Variants in CA5A observed in about 807,000 individuals in gnomAD.
CA5A encodes carbonic anhydrase 5A, also known as carbonic anhydrase 5A, mitochondrial.
A neutral mutation model predicts 37.1 loss-of-function variants in CA5A; 28 were observed. That is an observed-to-expected ratio of 0.75 (90% CI 0.56 to 1.03). The LOEUF (loss-of-function observed/expected upper bound fraction) is 1.03, where lower values mean the gene tolerates loss of function less well. CA5A is among the 50% of genes least tolerant of loss of function. The pLI is 0.00. For missense variants in CA5A, 444 were observed against 399.9 expected, an observed-to-expected ratio of 1.11 and a Z score of -0.94; for synonymous variants, 171 against 158.4, an observed-to-expected ratio of 1.08 and a Z score of -0.60.
At chr16:87,892,020 C>T in intron 5 of CA5A, 66 bp from the exon 6 acceptor site, 9 of 1,424,290 alleles carry the variant, frequency 6.3e-6, no homozygotes, top group Non-Finnish European at 8.4e-6. Flanking sequence ...CATCTTGTCT[C>T]AGCACGTGAG....
chr16:87,888,354 T>G (rs1036555824), intron 6 of CA5A, 82 bp from the exon 7 acceptor site: 20 of 1,246,036 alleles, frequency 1.6e-5, no homozygotes, highest in Middle Eastern at 2.4e-4. Context: ...CCTTATGTGG[T>G]CCCCTCCCAT....
At chr16:87,929,876 A>AAAG (rs2056376450) in intron 1 of CA5A, among the ~76,000 whole-genome samples, 1 of 150,284 alleles carries the variant, frequency 6.7e-6, no homozygotes, top group Non-Finnish European at 1.5e-5. Flanking sequence ...CGTCTCAAAA[A>AAAG]AAAAAAAAAA....
chr16:87,926,994 G>T, intron 1 of CA5A, 49 bp from the exon 2 acceptor site: 1 of 1,296,728 alleles, frequency 7.7e-7, no homozygotes, highest in Non-Finnish European at 1.1e-6. Context: ...GCTTCATCCT[G>T]TGTCTTGGAC....
At chr16:87,894,315 G>A (rs1305018484) in intron 5 of CA5A, among the ~76,000 whole-genome samples, 1 of 151,946 alleles carries the variant, frequency 6.6e-6, no homozygotes, top group Non-Finnish European at 1.5e-5. Flanking sequence ...AGTCCAAAGT[G>A]ACAGAGTCCC....
In CA5A at chr16:87,901,933, G is replaced by A. The variant is rs770692285; in HGVS notation, c.597C>T (p.Ile199=). ...HHQTLQRLVD[I]LPEIKHKDAR... ...TTACCTTATGTTTTATTTCCGGCAA[G>A]ATGTCCACCAGCCTCTGCAGCGTCT... The change falls in exon 5 of 7, where the codon ATC becomes ATT. Residue 199 remains isoleucine (I), a synonymous_variant. Coordinates refer to ENST00000649794, the MANE Select transcript of CA5A (RefSeq NM_001739.2). 3 of 1,613,592 alleles carry A rather than the reference G, an allele frequency of 1.9e-6. No homozygotes were observed. The highest frequency in any genetic ancestry group is 2.5e-6 in the Non-Finnish European group (3 of 1,179,706).
chr16:87,902,040 T>C (rs968055604), intron 4 of CA5A, 66 bp from the exon 5 acceptor site: 10 of 1,377,040 alleles, frequency 7.3e-6, no homozygotes, highest in South Asian at 1.2e-5. Flanking sequence ...CTCACTCCAC[T>C]GTAAATACAC....
At chr16:87,892,804 T>G (rs1428000357) in intron 5 of CA5A, 1 of 261,638 alleles carries the variant, frequency 3.8e-6, no homozygotes. Context: ...CTCCAGCGCC[T>G]GCCACCACGC....
chr16:87,896,753 G>A (rs919518009), intron 5 of CA5A, among the ~76,000 whole-genome samples: 2 of 152,198 alleles, frequency 1.3e-5, no homozygotes, highest in East Asian at 3.9e-4. Flanking sequence ...CGATTCTCCT[G>A]CCTTAGCCTC....
intron 1 of CA5A, among the ~76,000 whole-genome samples, chr16:87,933,178 T>G (rs1217516427): frequency 6.6e-6 from 1 of 152,206 alleles, no homozygotes; most frequent in African/African-American, 2.4e-5. Flanking sequence ...TGCAGCAGTG[T>G]GCTGGTTGAG....
chr16:87,892,022 G>A, intron 5 of CA5A, 68 bp from the exon 6 acceptor site: 1 of 1,373,904 alleles, frequency 7.3e-7, no homozygotes, highest in Non-Finnish European at 9.7e-7. Context: ...TCTTGTCTCA[G>A]CACGTGAGGC....
At chr16:87,925,870 C>T (rs1048649146) in intron 2 of CA5A, among the ~76,000 whole-genome samples, 2 of 152,172 alleles carry the variant, frequency 1.3e-5, no homozygotes, top group African/African-American at 4.8e-5. Context: ...TATTTAACCC[C>T]TGCTCCCCTC....
chr16:87,882,948 C>T (rs2055621059), intron 4 of CA5A: 1 of 152,398 alleles, frequency 6.6e-6, no homozygotes, highest in Non-Finnish European at 1.5e-5. Context: ...GTTGCCCAGG[C>T]TAGAGGGCAG....
At chr16:87,928,756 CTTTG>C (rs2056351995) in intron 1 of CA5A, among the ~76,000 whole-genome samples, 4 of 108,150 alleles carry the variant, frequency 3.7e-5, no homozygotes, top group African/African-American at 1.1e-4. Context: ...ATTTTCTTTT[CTTTG>C]TTTTTTTTTT....
chr16:87,905,112 C>T (rs1035089972), intron 2 of CA5A, among the ~76,000 whole-genome samples: 2 of 152,064 alleles, frequency 1.3e-5, no homozygotes, highest in Admixed American at 1.3e-4. Flanking sequence ...AGCGCCTGCC[C>T]AGAGGTTCAC....
rs2056045208 is a variant in CA5A at position 87,911,143 on chromosome 16, G to C, written c.341-6239C>G. On this transcript the variant is annotated intron_variant, in intron 2 of 6. Transcript: ENST00000649794. This position sits in a 1 kb window ranked among gnomAD's most constrained non-coding sequence, Gnocchi z 4.6. Reference sequence around the variant, plus strand: ...AAAGGCAAGCCCAATTCACGAAAAGGGGTCTTTAAGCTGCCAGCCCCCATC... The same window carrying C: ...AAAGGCAAGCCCAATTCACGAAAAGCGGTCTTTAAGCTGCCAGCCCCCATC... Among the ~76,000 whole-genome samples the C allele has an allele frequency of 6.6e-6, 1 of 150,680 alleles. No homozygotes were observed. Among genetic ancestry groups the C allele is most frequent in the Non-Finnish European group, 1.5e-5 (1 of 67,914 alleles).
downstream of CA5A, chr16:87,884,328 G>A (rs2055631579): frequency 6.6e-6 from 1 of 151,322 alleles, no homozygotes; most frequent in African/African-American, 2.4e-5. Flanking sequence ...AGCACTTTGG[G>A]AGGCTGAGGC....
chr16:87,933,840 A>T (rs1002774907), intron 1 of CA5A, among the ~76,000 whole-genome samples: 3 of 152,210 alleles, frequency 2.0e-5, no homozygotes, highest in Non-Finnish European at 2.9e-5. Flanking sequence ...AGAAGGATGA[A>T]TTCCTTATGA....
chr16:87,898,619 G>C (rs1301791913), intron 5 of CA5A, among the ~76,000 whole-genome samples: 1 of 152,102 alleles, frequency 6.6e-6, no homozygotes, highest in Non-Finnish European at 1.5e-5. Flanking sequence ...CAGCAGACTT[G>C]AGTGTGTGAG....
chr16:87,891,123 A>G (rs1299499389), intron 6 of CA5A, among the ~76,000 whole-genome samples: 1 of 148,372 alleles, frequency 6.7e-6, no homozygotes, highest in Non-Finnish European at 1.5e-5. Flanking sequence ...AGTGTATACA[A>G]ATATTATTAA....
Sources: allele counts gnomAD v4.1 joint callset (sites outside exome capture counted in the v4.1 genomes callset), GRCh38; gene constraint gnomAD v4.1.1; non-coding constraint Gnocchi (gnomAD v3.1); transcripts MANE v1.5; gene names NCBI Gene and HGNC (gene_info 2026-07-23, HGNC 2026-07-21).